The following RAP1A variants were observed in gnomAD, a reference collection of about 807,000 sequenced individuals.
The protein encoded by RAP1A is RAP1A, member of RAS oncogene family.
RAP1A carries 6 observed loss-of-function variants against 26.4 expected under a neutral mutation model. The observed-to-expected ratio is 0.23, with a 90% CI of 0.12 to 0.45. RAP1A has a LOEUF of 0.45. Among genes scored for constraint, RAP1A ranks in the 20% least tolerant of loss-of-function variants. The pLI is 0.99. For synonymous variants in RAP1A, 73 were observed against 79.4 expected, an observed-to-expected ratio of 0.92 and a Z score of 0.43; for missense variants, 121 against 217.2, an observed-to-expected ratio of 0.56 and a Z score of 2.78.
intron 1 of RAP1A, among the ~76,000 whole-genome samples, chr1:111,624,462 A>T (rs1659330067): frequency 6.6e-6 from 1 of 152,226 alleles, no homozygotes; most frequent in Non-Finnish European, 1.5e-5. Flanking sequence ...CATAATTCAC[A>T]TTCTCTCAGT....
intron 2 of RAP1A, among the ~76,000 whole-genome samples, chr1:111,693,216 T>G (rs1661722656): frequency 6.6e-6 from 1 of 151,996 alleles, no homozygotes; most frequent in Non-Finnish European, 1.5e-5. Flanking sequence ...GGAAGCAGCT[T>G]TAGTCAGGTC....
At chr1:111,625,023 A>C (rs1391718592) in intron 1 of RAP1A, among the ~76,000 whole-genome samples, 1 of 152,236 alleles carries the variant, frequency 6.6e-6, no homozygotes, top group Non-Finnish European at 1.5e-5. Context: ...AAAGTGTTAA[A>C]GTTAACCAAA....
At chr1:111,573,015 C>T (rs1464767446) in intron 1 of RAP1A, among the ~76,000 whole-genome samples, 3 of 152,108 alleles carry the variant, frequency 2.0e-5, no homozygotes, top group African/African-American at 7.2e-5. Flanking sequence ...TTTTCTGTTC[C>T]TGTGTTAGTT....
intron 1 of RAP1A, among the ~76,000 whole-genome samples, chr1:111,572,792 A>G (rs1222497065): frequency 3.3e-5 from 5 of 152,096 alleles, no homozygotes; most frequent in Admixed American, 6.5e-5. Context: ...CAGGTTTGCT[A>G]TATAGGTAAA....
At chr1:111,620,434 C>T (rs1272056273) in intron 1 of RAP1A, among the ~76,000 whole-genome samples, 3 of 141,280 alleles carry the variant, frequency 2.1e-5, no homozygotes, top group Admixed American at 6.9e-5. Flanking sequence ...TTTGGGCCCG[C>T]GGGGGCGGGG....
rs1658783185 is a variant in RAP1A, at chr1:111,606,544, TACC to T, written c.-28+64038_-28+64040del. ...ATCTTGGCACTGCACGGCCCAGTAG[TACC>T]ACATCATTTCATGGCACTGAGCCAA... is the stretch of plus-strand genomic sequence containing the variant. On this transcript the variant is annotated intron_variant, in intron 1 of 7. Transcript: ENST00000356415. Among the ~76,000 whole-genome samples, 4 of 152,372 alleles carry T rather than the reference TACC, an allele frequency of 2.6e-5. 1 individual carries two copies. The South Asian group carries it at 8.3e-4, about 32-fold the overall frequency.
chr1:111,697,498 G>GT lies in RAP1A; in HGVS notation c.183+2dup. Reference sequence around the variant, plus strand: ...CGAAATCCTGGATACTGCAGGGACAGTAAGGATGTTTTCTCTTTTTTTGAT... The same window carrying GT: ...CGAAATCCTGGATACTGCAGGGACAGTTAAGGATGTTTTCTCTTTTTTTGAT... On this transcript the variant is annotated splice_donor_variant, in intron 4 of 7. Coordinates refer to ENST00000369709, the MANE Select transcript of RAP1A (RefSeq NM_002884.4). LOFTEE classifies it high-confidence loss of function. 1 of 1,611,410 alleles carries GT rather than the reference G, an allele frequency of 6.2e-7. No individual in the cohort carries two copies. The highest frequency in any genetic ancestry group is 2.2e-5 in the East Asian group (1 of 44,838).
chr1:111,567,761 G>GAGGAAAGGCCTTGCCAGAACATACTGAC (rs1657954398), intron 1 of RAP1A, among the ~76,000 whole-genome samples: 1 of 152,236 alleles, frequency 6.6e-6, no homozygotes, highest in Non-Finnish European at 1.5e-5. Context: ...TGGAAAGGCA[G>GAGGAAAGGCCTTGCCAGAACATACTGAC]AGGAAAGGCC....
chr1:111,619,727 C>CG (rs762966510), upstream of RAP1A: 3 of 393,324 alleles, frequency 7.6e-6, no homozygotes, highest in Non-Finnish European at 1.3e-5. Flanking sequence ...CTTGGAGGGG[C>CG]GGGGCAGAAC....
chr1:111,643,005 T>C (rs1659943116), intron 1 of RAP1A, among the ~76,000 whole-genome samples: 1 of 148,676 alleles, frequency 6.7e-6, no homozygotes, highest in African/African-American at 2.5e-5. Flanking sequence ...CTCCTGATCT[T>C]GTGATCTGCC....
At chr1:111,607,202 G>C (rs1032739085) in intron 1 of RAP1A, among the ~76,000 whole-genome samples, 3 of 151,508 alleles carry the variant, frequency 2.0e-5, no homozygotes, top group Non-Finnish European at 4.4e-5. Context: ...GGGTACTTGA[G>C]ATTAGGGAGT....
chr1:111,575,960 A>G (rs1224185440), intron 1 of RAP1A, among the ~76,000 whole-genome samples: 1 of 152,194 alleles, frequency 6.6e-6, no homozygotes, highest in Non-Finnish European at 1.5e-5. Flanking sequence ...TACACACAAA[A>G]ACATACAAAA....
chr1:111,679,746 T>G (rs1479161241), intron 1 of RAP1A, among the ~76,000 whole-genome samples: 1 of 152,138 alleles, frequency 6.6e-6, no homozygotes, highest in Non-Finnish European at 1.5e-5. Context: ...TACTGAGGTT[T>G]CAGTAAGCAG....
chr1:111,682,261 A>G lies in RAP1A; in HGVS notation c.-27-9073A>G, dbSNP rs185813720. ...AAACCATACCAAAATATGAAGACCAATGAAGCTATGAAGAAACTGCATCAA... is the reference window on the plus strand; with the variant it reads ...AAACCATACCAAAATATGAAGACCAGTGAAGCTATGAAGAAACTGCATCAA... On this transcript the variant is annotated intron_variant, in intron 1 of 7. Coordinates refer to ENST00000369709, the MANE Select transcript of RAP1A (RefSeq NM_002884.4). Among the ~76,000 whole-genome samples, 49 of 152,312 alleles carry G rather than the reference A, an allele frequency of 3.2e-4. No individual in the cohort carries two copies. The East Asian group carries it at 4.4e-3, about 14-fold the overall frequency.
Position 111,695,598 on chromosome 1 carries a change from TCTGTTA to T in RAP1A, c.126+193_126+198del, listed in dbSNP as rs1661802664. On this transcript the variant is annotated intron_variant, in intron 3 of 7. Transcript: ENST00000369709. ...TACTTTGATATTCAGAGCTCTATGT[TCTGTTA>T]CTGATTAGTGACTTGTTCCTTAATG... Among the ~76,000 whole-genome samples, 3 of 152,340 alleles carry T rather than the reference TCTGTTA, an allele frequency of 2.0e-5. No individual in the cohort carries two copies. In the South Asian group the frequency reaches 6.2e-4, roughly 32 times the overall value.
At position 111,716,223 on chromosome 1, in the gene RAP1A, C is replaced by T. The variant is rs1231231971; in HGVS notation, c.*3822C>T. 1 of 152,190 alleles carries T rather than the reference C, an allele frequency of 6.6e-6. No individual in the cohort carries two copies. The highest frequency in any genetic ancestry group is 1.5e-5 in the Non-Finnish European group (1 of 68,032). The allele number at this position is 152,190 out of a possible 1,614,324, so 9.4% of individuals were successfully genotyped here. On this transcript the variant is annotated 3_prime_UTR_variant, in exon 8 of 8. Transcript: ENST00000369709. ...ATTCTTGTCCAGGGTCTGGAAAGAG[C>T]TCATCTTGCCGAGAGGGAAATAAAT...
At chr1:111,613,652 A>G (rs949029014) in intron 1 of RAP1A, among the ~76,000 whole-genome samples, 1 of 152,250 alleles carries the variant, frequency 6.6e-6, no homozygotes, top group East Asian at 1.9e-4. Context: ...GTAACCAACC[A>G]TAAGACTTGG....
chr1:111,570,605 G>A (rs1658031225), intron 1 of RAP1A, among the ~76,000 whole-genome samples: 2 of 152,154 alleles, frequency 1.3e-5, no homozygotes, highest in Admixed American at 1.3e-4. Flanking sequence ...AATTTATAAA[G>A]AGGTATATTT....
intron 1 of RAP1A, among the ~76,000 whole-genome samples, chr1:111,607,694 A>AC (rs200741624): frequency 1.9e-4 from 17 of 87,314 alleles, no homozygotes; most frequent in African/African-American, 7.0e-4. Flanking sequence ...CGGCGGGCTG[A>AC]CCCCCCCACC....
Sources: gnomAD v4.1 joint callset for allele counts (sites outside exome capture counted in the v4.1 genomes callset) on GRCh38, gnomAD v4.1.1 for gene constraint, MANE v1.5 for transcripts, NCBI Gene and HGNC (gene_info 2026-07-23, HGNC 2026-07-21) for gene names.